Variants in PDE4D observed in about 807,000 individuals in gnomAD.
PDE4D encodes phosphodiesterase 4D.
A neutral mutation model predicts 87.4 loss-of-function variants in PDE4D; 24 were observed. That is an observed-to-expected ratio of 0.27 (90% CI 0.20 to 0.39). The LOEUF is 0.39. Ranked by LOEUF, PDE4D falls within the 10% of genes least tolerant of loss-of-function variation. PDE4D has a pLI of 1.00. For missense variants in PDE4D, 714 were observed against 1,041.0 expected (o/e 0.69, Z 4.32); for synonymous variants, 384 against 383.2 (o/e 1.00, Z -0.02).
At chr5:59,084,012 G>A (rs1767247659) in intron 5 of PDE4D, among the ~76,000 whole-genome samples, 1 of 152,008 alleles carries the variant, frequency 6.6e-6, no homozygotes, top group South Asian at 2.1e-4. Context: ...TTGACAAGTA[G>A]ATTGTTTGTA....
chr5:59,587,891 G>A (rs933918573), intron 1 of PDE4D, among the ~76,000 whole-genome samples: 5 of 151,996 alleles, frequency 3.3e-5, no homozygotes, highest in Non-Finnish European at 7.4e-5. Flanking sequence ...TACGGAGGGA[G>A]GATTTTTTGT....
At chr5:59,808,486 G>A (rs930283207) in intron 1 of PDE4D, among the ~76,000 whole-genome samples, 2 of 152,124 alleles carry the variant, frequency 1.3e-5, no homozygotes, top group African/African-American at 4.8e-5. Context: ...GGCAAAGCCT[G>A]CTAATAAACC....
chr5:60,075,856 A>G (rs1427709403), intron 2 of PDE4D, among the ~76,000 whole-genome samples: 1 of 152,054 alleles, frequency 6.6e-6, no homozygotes, highest in African/African-American at 2.4e-5. Flanking sequence ...TTTCAGCTCT[A>G]TCAGGTTGGT....
chr5:59,657,738 T>C (rs974115539), intron 1 of PDE4D, among the ~76,000 whole-genome samples: 13 of 152,344 alleles, frequency 8.5e-5, no homozygotes, highest in East Asian at 5.8e-4. Context: ...TTCACACTTA[T>C]GTTATTAGTT....
intron 1 of PDE4D, among the ~76,000 whole-genome samples, chr5:59,886,704 G>A (rs532223284): frequency 2.2e-4 from 34 of 152,042 alleles, no homozygotes; most frequent in African/African-American, 8.0e-4. Flanking sequence ...AAGAAAGAGA[G>A]GTGTGAAAAG....
At chr5:59,494,204 CT>C (rs1323344067) in intron 1 of PDE4D, among the ~76,000 whole-genome samples, 1 of 152,158 alleles carries the variant, frequency 6.6e-6, no homozygotes, top group Non-Finnish European at 1.5e-5. Context: ...GTCATCTAAG[CT>C]GCTGAAATTG....
At chr5:59,197,241 TTTATAAGTA>T (rs563964929) in intron 2 of PDE4D, among the ~76,000 whole-genome samples, 2 of 152,326 alleles carry the variant, frequency 1.3e-5, no homozygotes, top group South Asian at 4.1e-4. Flanking sequence ...TTGTATCTCC[TTTATAAGTA>T]TTATAAGTAA....
In PDE4D at chr5:59,150,185, G is replaced by A. The variant is rs527576909; in HGVS notation, c.808+30410C>T. Among the ~76,000 whole-genome samples the A allele has an allele frequency of 2.6e-5, 4 of 152,202 alleles. No homozygotes were observed. The East Asian group carries it at 7.7e-4, about 29-fold the overall frequency. ...ATGAGGATAAGGATGGTTTTTCTGG[G>A]TGGAAGAACAAGAGGAAGAGAAGCC... On this transcript the variant is annotated intron_variant, in intron 5 of 14. Coordinates refer to ENST00000340635, the MANE Select transcript of PDE4D (RefSeq NM_001104631.2).
intron 3 of PDE4D, among the ~76,000 whole-genome samples, chr5:59,973,790 C>T (rs182651783): frequency 4.8e-4 from 73 of 152,230 alleles, no homozygotes; most frequent in African/African-American, 1.4e-3. Flanking sequence ...ATATACTCTA[C>T]AGTTGCCAAA....
intron 1 of PDE4D, among the ~76,000 whole-genome samples, chr5:60,401,563 T>A (rs1158866363): frequency 2.6e-5 from 4 of 152,174 alleles, no homozygotes; most frequent in Non-Finnish European, 5.9e-5. Context: ...GAACTGATAA[T>A]GATGTACAGG....
chr5:59,286,133 A>T (rs1317295710), intron 1 of PDE4D, among the ~76,000 whole-genome samples: 1 of 152,166 alleles, frequency 6.6e-6, no homozygotes, highest in Non-Finnish European at 1.5e-5. Context: ...CTTCCCCTAC[A>T]AGTTCAGTGG....
At chr5:59,439,951 G>C (rs997357035) in intron 1 of PDE4D, among the ~76,000 whole-genome samples, 19 of 152,154 alleles carry the variant, frequency 1.2e-4, no homozygotes, top group African/African-American at 4.3e-4. Context: ...ATAGATATTA[G>C]CTGCCATCCT....
chr5:60,111,384 G>A (rs1777669797), intron 2 of PDE4D, among the ~76,000 whole-genome samples: 1 of 151,848 alleles, frequency 6.6e-6, no homozygotes, highest in Admixed American at 6.6e-5. Flanking sequence ...TATAAGTACT[G>A]AGCACAATGA....
At chr5:60,379,363 T>C (rs1452576438) in intron 1 of PDE4D, among the ~76,000 whole-genome samples, 2 of 152,188 alleles carry the variant, frequency 1.3e-5, no homozygotes, top group Non-Finnish European at 2.9e-5. Flanking sequence ...TTCCGGTATA[T>C]TTTTAGCCGC....
chr5:59,719,750 A>G (rs551621540), intron 1 of PDE4D, among the ~76,000 whole-genome samples: 2 of 152,374 alleles, frequency 1.3e-5, no homozygotes, highest in African/African-American at 4.8e-5. Flanking sequence ...TACATATTTT[A>G]TAGCATAACA....
intron 1 of PDE4D, among the ~76,000 whole-genome samples, chr5:60,214,995 G>C (rs1178971730): frequency 6.6e-6 from 1 of 152,094 alleles, no homozygotes; most frequent in Non-Finnish European, 1.5e-5. Flanking sequence ...ATCATCTCTT[G>C]TATGTCAGTA....
chr5:59,502,122 C>G (rs1435722360), intron 1 of PDE4D, among the ~76,000 whole-genome samples: 1 of 152,106 alleles, frequency 6.6e-6, no homozygotes, highest in Non-Finnish European at 1.5e-5. Context: ...TGTCTCCTAG[C>G]ATAGTGCATT....
chr5:59,570,830 A>C (rs1821711904), intron 1 of PDE4D, among the ~76,000 whole-genome samples: 2 of 152,232 alleles, frequency 1.3e-5, no homozygotes. Context: ...GTGGATCAGA[A>C]TTAGAAGAGG....
At chr5:59,934,232 G>A (rs1836542) in intron 3 of PDE4D, among the ~76,000 whole-genome samples, 65,179 of 151,922 alleles carry the variant, frequency 0.43, 14,676 homozygotes, top group African/African-American at 0.56. Flanking sequence ...CTCTCAAAGC[G>A]CTGGAAAGTT....
Sources: allele counts gnomAD v4.1 joint callset (sites outside exome capture counted in the v4.1 genomes callset), GRCh38; gene constraint gnomAD v4.1.1; transcripts MANE v1.5; gene names NCBI Gene and HGNC (gene_info 2026-07-23, HGNC 2026-07-21).